Variants in FREM1 observed in about 807,000 individuals in gnomAD.
FREM1 encodes FRAS1 related extracellular matrix 1, also known as FRAS1-related extracellular matrix protein 1.
A neutral mutation model predicts 210.1 loss-of-function variants in FREM1; 220 were observed. That is an observed-to-expected ratio of 1.05 (90% CI 0.94 to 1.17). FREM1 has a LOEUF of 1.17. FREM1 is among the 50% of genes most tolerant of loss of function. The pLI, the probability that FREM1 is intolerant of heterozygous loss-of-function variation, is 0.00. For missense variants in FREM1, 3,454 were observed against 2,675.5 expected, an observed-to-expected ratio of 1.29 and a Z score of -6.42; for synonymous variants, 1,189 against 980.2, an observed-to-expected ratio of 1.21 and a Z score of -3.98.
rs745782166 is a variant in FREM1, at chr9:14,797,524, A to T, written c.3813T>A (p.Val1271=). 7.5e-6 allele frequency: 12 copies of T among 1,609,674 alleles called. No homozygotes were observed. The highest frequency in any genetic ancestry group is 1.7e-5 in the Admixed American group (1 of 59,318). Reference sequence around the variant, plus strand: ...TGCTCAGCATTGGTTTTTCATCATTAACTGGGATGACCTCTACTGAAATGG... The same window carrying T: ...TGCTCAGCATTGGTTTTTCATCATTTACTGGGATGACCTCTACTGAAATGG... The part of the protein sequence containing the change: ...LKTISVEVIP[V]NDEKPMLSKK... The change falls in exon 21 of 37, where the codon GTT becomes GTA. Residue 1271 remains valine (V), a synonymous_variant. Coordinates refer to ENST00000380880, the MANE Select transcript of FREM1 (RefSeq NM_001379081.2).
chr9:14,838,238 T>A (rs1223249821), intron 10 of FREM1, among the ~76,000 whole-genome samples: 2 of 152,206 alleles, frequency 1.3e-5, no homozygotes, highest in African/African-American at 4.8e-5. Context: ...AACGTCAAAA[T>A]AAAACAAAAC....
chr9:14,775,305 A>C (rs1028081226), intron 25 of FREM1, among the ~76,000 whole-genome samples: 27 of 152,222 alleles, frequency 1.8e-4, no homozygotes, highest in Admixed American at 6.5e-5. Context: ...ACTCACGGTC[A>C]GTCATTAGCA....
chr9:14,750,475 T>C (rs937488611), intron 29 of FREM1, among the ~76,000 whole-genome samples, 199 bp from the exon 30 acceptor site: 3 of 152,190 alleles, frequency 2.0e-5, no homozygotes, highest in African/African-American at 7.2e-5. Flanking sequence ...CGATGATGTT[T>C]CCGTTTAAAT....
At chr9:14,802,670 A>C (rs1817504343) in intron 19 of FREM1, among the ~76,000 whole-genome samples, 1 of 152,228 alleles carries the variant, frequency 6.6e-6, no homozygotes, top group Admixed American at 6.5e-5. Flanking sequence ...TTGAGAGAAC[A>C]AAAAAGTATT....
In FREM1 at chr9:14,775,572, G is replaced by A. The variant is rs4741431; in HGVS notation, c.4857+217C>T. On this transcript the variant is annotated intron_variant, in intron 25 of 36. Coordinates refer to ENST00000380880, the MANE Select transcript of FREM1 (RefSeq NM_001379081.2). The stretch of plus-strand genomic sequence containing the variant: ...AATGCAAAAAAGTTAGCTGGGCATG[G>A]TGGCACATGACTATAGGCCCAGCTA... Among the ~76,000 whole-genome samples, 4,222 of 151,828 alleles carry A rather than the reference G, an allele frequency of 0.028. 385 individuals carry two copies. In the East Asian group the frequency reaches 0.32, roughly 11 times the overall value.
chr9:14,790,272 A>G (rs1851073630), intron 22 of FREM1, among the ~76,000 whole-genome samples: 1 of 152,072 alleles, frequency 6.6e-6, no homozygotes, highest in Non-Finnish European at 1.5e-5. Context: ...CCATTGTGCT[A>G]CCACTTGCCT....
intron 25 of FREM1, 87 bp from the exon 26 acceptor site, chr9:14,770,893 ACT>A (rs1847451146): frequency 1.1e-6 from 1 of 904,774 alleles, no homozygotes; most frequent in Admixed American, 2.2e-5. Flanking sequence ...ACAATGACAC[ACT>A]GTCCCACGTT....
At chr9:14,890,544 C>G (rs537005923) in intron 1 of FREM1, among the ~76,000 whole-genome samples, 114 of 152,022 alleles carry the variant, frequency 7.5e-4, no homozygotes, top group Non-Finnish European at 1.3e-3. Context: ...GTTTTTTGTT[C>G]TTTTTCATTA....
In FREM1 at chr9:14,789,418, A is replaced by G. The variant is rs75740523; in HGVS notation, c.3982-304T>C. Among the ~76,000 whole-genome samples the G allele has an allele frequency of 3.4e-3, 512 of 152,340 alleles. 3 individuals carry two copies. Among genetic ancestry groups the G allele is most frequent in the Middle Eastern group, 6.8e-3 (2 of 294 alleles). ...CAACCATAGCTGATTGAATATTCCA[A>G]TTAATAAGAGGAGGTGGGTAATCGA... On this transcript the variant is annotated intron_variant, in intron 22 of 36. Coordinates refer to ENST00000380880, the MANE Select transcript of FREM1 (RefSeq NM_001379081.2).
intron 6 of FREM1, 118 bp from the exon 7 acceptor site, chr9:14,848,891 T>A: frequency 1.8e-6 from 1 of 545,500 alleles, no homozygotes; most frequent in South Asian, 3.2e-5. Flanking sequence ...TTCACATTTC[T>A]GCAGTTCCCA....
In FREM1 at chr9:14,776,091, G is replaced by A. The variant is rs370104094; in HGVS notation, c.4555C>T (p.Gln1519Ter). Residue 1519 changes from glutamine (Q) to a stop codon, truncating the protein, a stop_gained, in exon 25 of 37, where the codon CAA (glutamine) becomes TAA (stop). Transcript: ENST00000380880. LOFTEE classifies it high-confidence loss of function. ...GGGGAAAGCAGGCCCACGGCCCCTT[G>A]GGCCAGTCTCAACCCCTTGTTCCTG... The part of the protein sequence containing the change: ...VTRNKGLRLA[Q>*]GAVGLLSPDL... The A allele has an allele frequency of 3.1e-6, 5 of 1,611,028 alleles. No homozygotes were observed. In the African/African-American group the frequency reaches 6.7e-5, roughly 22 times the overall value.
chr9:14,797,799 A>G (rs1852727799), intron 20 of FREM1, among the ~76,000 whole-genome samples, 157 bp from the exon 21 acceptor site: 1 of 152,252 alleles, frequency 6.6e-6, no homozygotes, highest in African/African-American at 2.4e-5. Context: ...GAAGTAAAAG[A>G]GTGCCTTCTT....
rs1178377484 is a variant in FREM1, at chr9:14,737,442, C to T, written c.6494G>A (p.Cys2165Tyr). Reference protein sequence around the residue: ...QRQGKWQTKDCRRAKPHNYVC... With the variant: ...QRQGKWQTKDYRRAKPHNYVC... The stretch of plus-strand genomic sequence containing the variant: ...ATAATTATGAGGTTTGGCTCTCCTA[C>T]AGTCTTTTGTTTGCCATTTCCCTTG... The change falls in exon 37 of 37, where the codon TGT (cysteine) becomes TAT (tyrosine). Residue 2165 changes from cysteine to tyrosine, a missense_variant. Transcript: ENST00000380880. 2 of 1,613,724 alleles carry T rather than the reference C, an allele frequency of 1.2e-6. No individual in the cohort carries two copies. Among genetic ancestry groups the T allele is most frequent in the African/African-American group, 1.3e-5 (1 of 74,904 alleles).
intron 27 of FREM1, among the ~76,000 whole-genome samples, chr9:14,769,352 G>T (rs1002589955): frequency 6.6e-6 from 1 of 152,172 alleles, no homozygotes; most frequent in Non-Finnish European, 1.5e-5. Context: ...GAAGGCTATA[G>T]TTGCTAACAC....
chr9:14,899,149 G>A (rs142028364), intron 1 of FREM1, among the ~76,000 whole-genome samples: 80 of 152,218 alleles, frequency 5.3e-4, no homozygotes, highest in African/African-American at 1.8e-3. Flanking sequence ...TCATGCTTCC[G>A]GGCTTTTGAG....
intron 6 of FREM1, chr9:14,850,612 T>C (rs1827531795): frequency 6.6e-6 from 1 of 152,164 alleles, no homozygotes; most frequent in African/African-American, 2.4e-5. Flanking sequence ...AGCTAATGCA[T>C]GCTGGGCTTA....
chr9:14,872,946 G>T (rs1478983968), intron 1 of FREM1, among the ~76,000 whole-genome samples: 1 of 150,112 alleles, frequency 6.7e-6, no homozygotes, highest in Non-Finnish European at 1.5e-5. Context: ...TTTGTCTTTG[G>T]TTCTGTTTAT....
At chr9:14,860,553 A>ATG (rs1336532557) in intron 3 of FREM1, among the ~76,000 whole-genome samples, 1 of 117,646 alleles carries the variant, frequency 8.5e-6, no homozygotes, top group Non-Finnish European at 1.6e-5. Context: ...ACACATATAT[A>ATG]TACACACATA....
At chr9:14,878,919 G>T (rs1309830338) in intron 1 of FREM1, among the ~76,000 whole-genome samples, 1 of 152,112 alleles carries the variant, frequency 6.6e-6, no homozygotes, top group Non-Finnish European at 1.5e-5. Flanking sequence ...ACTTGGGGAG[G>T]CCGAGGCAGG....
Sources: allele counts gnomAD v4.1 joint callset (sites outside exome capture counted in the v4.1 genomes callset), GRCh38; gene constraint gnomAD v4.1.1; transcripts MANE v1.5; gene names NCBI Gene and HGNC (gene_info 2026-07-23, HGNC 2026-07-21).